Variants in NEDD9 observed in about 807,000 individuals in gnomAD.
NEDD9 encodes enhancer of filamentation 1.
A neutral mutation model predicts 76.6 loss-of-function variants in NEDD9; 26 were observed. That is an observed-to-expected ratio of 0.34 (90% CI 0.25 to 0.47). The LOEUF (loss-of-function observed/expected upper bound fraction) is 0.47, where lower values mean the gene tolerates loss of function less well. Among genes scored for constraint, NEDD9 ranks in the 20% least tolerant of loss-of-function variants. The pLI, the probability that NEDD9 is intolerant of heterozygous loss-of-function variation, is 1.00. For synonymous variants in NEDD9, 392 were observed against 414.2 expected (o/e 0.95, Z 0.65); for missense variants, 937 against 1,058.5 (o/e 0.89, Z 1.59).
At chr6:11,376,193 C>T (rs1029206256) in intron 1 of NEDD9, among the ~76,000 whole-genome samples, 1 of 152,066 alleles carries the variant, frequency 6.6e-6, no homozygotes, top group African/African-American at 2.4e-5. Context: ...CGGACTAACA[C>T]AGAAAATTGA....
At chr6:11,375,006 C>T (rs964505386) in intron 1 of NEDD9, among the ~76,000 whole-genome samples, 1 of 152,180 alleles carries the variant, frequency 6.6e-6, no homozygotes, top group Non-Finnish European at 1.5e-5. Flanking sequence ...CTAGCTAAAA[C>T]CTGCTTCTAA....
intron 2 of NEDD9, among the ~76,000 whole-genome samples, chr6:11,311,941 C>T (rs979233257): frequency 7.2e-5 from 11 of 152,198 alleles, no homozygotes; most frequent in Non-Finnish European, 1.6e-4. Context: ...CAAGATTTCA[C>T]ACCATTGACC....
intron 3 of NEDD9, among the ~76,000 whole-genome samples, chr6:11,264,534 T>C (rs1158321335): frequency 6.6e-6 from 1 of 152,132 alleles, no homozygotes; most frequent in Non-Finnish European, 1.5e-5. Flanking sequence ...ACAGCATCCA[T>C]GGGTTCTTTT....
At chr6:11,300,285 A>C (rs1184253111) in intron 3 of NEDD9, among the ~76,000 whole-genome samples, 1 of 152,220 alleles carries the variant, frequency 6.6e-6, no homozygotes, top group East Asian at 1.9e-4. Flanking sequence ...AAATTAATGA[A>C]ATAAAGCAAG....
chr6:11,372,803 G>T (rs1209927054), intron 1 of NEDD9, among the ~76,000 whole-genome samples: 2 of 152,100 alleles, frequency 1.3e-5, no homozygotes, highest in Non-Finnish European at 2.9e-5. Context: ...TTCCTTTTGA[G>T]AAATAAGCCT....
At chr6:11,350,993 A>G (rs902824519) in intron 1 of NEDD9, among the ~76,000 whole-genome samples, 3 of 152,182 alleles carry the variant, frequency 2.0e-5, no homozygotes, top group African/African-American at 7.2e-5. Flanking sequence ...TTATATATAC[A>G]TTGTGGACGC....
chr6:11,329,076 G>A (rs1258116161), intron 2 of NEDD9, among the ~76,000 whole-genome samples: 2 of 152,226 alleles, frequency 1.3e-5, no homozygotes, highest in African/African-American at 4.8e-5. Flanking sequence ...ATGTTCAGGA[G>A]GAATGCACAG....
intron 2 of NEDD9, among the ~76,000 whole-genome samples, chr6:11,331,315 T>C (rs975300640): frequency 6.9e-6 from 1 of 144,102 alleles, no homozygotes; most frequent in Non-Finnish European, 1.5e-5. Flanking sequence ...GCTGAGAGAA[T>C]AGATAGTTGT....
chr6:11,353,256 C>T (rs562804390), intron 1 of NEDD9, among the ~76,000 whole-genome samples: 14 of 152,312 alleles, frequency 9.2e-5, no homozygotes, highest in Non-Finnish European at 1.6e-4. Flanking sequence ...CTTGCACCTG[C>T]GAATGTGACT....
At chr6:11,249,941 A>T (rs947576622) in intron 3 of NEDD9, among the ~76,000 whole-genome samples, 1 of 152,154 alleles carries the variant, frequency 6.6e-6, no homozygotes, top group Non-Finnish European at 1.5e-5. Context: ...AGGGGCCCAG[A>T]GATTCCTGCC....
upstream of NEDD9, among the ~76,000 whole-genome samples, chr6:11,236,410 C>T (rs976274024): frequency 1.3e-5 from 2 of 152,178 alleles, no homozygotes; most frequent in African/African-American, 4.8e-5. This position sits in a 1 kb window ranked among gnomAD's most constrained non-coding sequence, Gnocchi z 5.5. Context: ...TGGGCACTGG[C>T]ATAAATACAG....
At chr6:11,321,500 G>A (rs114099918) in intron 2 of NEDD9, among the ~76,000 whole-genome samples, 48 of 152,252 alleles carry the variant, frequency 3.2e-4, no homozygotes, top group African/African-American at 1.0e-3. Context: ...CGTGTTTATC[G>A]GCAGATTTTC....
intron 3 of NEDD9, chr6:11,249,094 A>G (rs550860545): frequency 2.2e-6 from 1 of 455,836 alleles, no homozygotes; most frequent in East Asian, 6.9e-5. Context: ...TTGGTCAGAC[A>G]TTATTTTGGA....
intron 3 of NEDD9, among the ~76,000 whole-genome samples, chr6:11,278,904 C>T (rs1016811599): frequency 6.7e-6 from 1 of 149,638 alleles, no homozygotes; most frequent in Non-Finnish European, 1.5e-5. Flanking sequence ...GACAGCTACA[C>T]AAAGGGAGGA....
At chr6:11,276,712 G>A (rs1581994657) in intron 3 of NEDD9, among the ~76,000 whole-genome samples, 3 of 152,180 alleles carry the variant, frequency 2.0e-5, no homozygotes, top group African/African-American at 4.8e-5. Flanking sequence ...GAGTACCAGA[G>A]GGGAACAGGA....
chr6:11,363,937 C>A (rs1002482679), intron 1 of NEDD9, among the ~76,000 whole-genome samples: 4 of 152,084 alleles, frequency 2.6e-5, no homozygotes, highest in Non-Finnish European at 5.9e-5. Flanking sequence ...AGGTAGCAAG[C>A]AGTAAAGAGT....
chr6:11,295,071 C>T (rs142918922), intron 3 of NEDD9, among the ~76,000 whole-genome samples: 22 of 152,276 alleles, frequency 1.4e-4, no homozygotes, highest in Non-Finnish European at 1.6e-4. Context: ...GAGGCCTCCC[C>T]GGCCATGTGG....
chr6:11,200,687 A>T, intron 2 of NEDD9: 2 of 1,269,152 alleles, frequency 1.6e-6, no homozygotes, highest in Non-Finnish European at 2.0e-6. Context: ...TCAAAATGAG[A>T]TCTACGAGGC....
intron 2 of NEDD9, among the ~76,000 whole-genome samples, chr6:11,314,102 A>C (rs1419427632): frequency 1.3e-5 from 2 of 152,224 alleles, no homozygotes; most frequent in African/African-American, 4.8e-5. Flanking sequence ...AAACATTCGC[A>C]AATTAGAAAA....
Sources: gnomAD v4.1 joint callset for allele counts (sites outside exome capture counted in the v4.1 genomes callset) on GRCh38, gnomAD v4.1.1 for gene constraint, Gnocchi (gnomAD v3.1) non-coding constraint, MANE v1.5 for transcripts, NCBI Gene and HGNC (gene_info 2026-07-23, HGNC 2026-07-21) for gene names.